Variants in ERAP1 observed in about 807,000 individuals in gnomAD.
ERAP1 encodes adipocyte-derived leucine aminopeptidase.
In ERAP1, 86 loss-of-function variants were observed where a neutral mutation model predicts 103.7. That is an observed-to-expected ratio of 0.83 (90% CI 0.70 to 0.99). The LOEUF is 0.99. Ranked by LOEUF, ERAP1 falls within the 50% of genes least tolerant of loss-of-function variation. The pLI, the probability that ERAP1 is intolerant of heterozygous loss-of-function variation, is 0.00. For synonymous variants in ERAP1, 398 were observed against 402.4 expected (o/e 0.99, Z 0.13); for missense variants, 1,009 against 1,128.4 (o/e 0.89, Z 1.52).
the ERAP1 span, chr5:96,912,687 C>T: frequency 1.9e-6 from 3 of 1,610,632 alleles, no homozygotes; most frequent in Non-Finnish European, 1.7e-6. Flanking sequence ...GCTCAGACAA[C>T]AGCAGGATGG....
the ERAP1 span, among the ~76,000 whole-genome samples, chr5:96,832,764 CTTCGATTTT>C: frequency 5.0e-4 from 76 of 152,294 alleles, no homozygotes; most frequent in Middle Eastern, 3.4e-3. Context: ...CTACAAATAT[CTTCGATTTT>C]ATCGATGTTC....
At chr5:96,875,264 G>T in the ERAP1 span, among the ~76,000 whole-genome samples, 1 of 152,248 alleles carries the variant, frequency 6.6e-6, no homozygotes, top group African/African-American at 2.4e-5. Context: ...GCCAGTTGCG[G>T]TGTCTCATGC....
At chr5:96,850,771 AC>A in the ERAP1 span, among the ~76,000 whole-genome samples, 1 of 152,150 alleles carries the variant, frequency 6.6e-6, no homozygotes, top group Non-Finnish European at 1.5e-5. Context: ...AATAAAAATA[AC>A]TTTTAAAAAA....
chr5:96,834,969 A>T, the ERAP1 span, among the ~76,000 whole-genome samples: 1 of 152,214 alleles, frequency 6.6e-6, no homozygotes, highest in East Asian at 1.9e-4. Context: ...AGAAACACCC[A>T]CATGATTCTT....
chr5:96,783,968 A>C lies in ERAP1; in HGVS notation c.2056T>G (p.Leu686Val). The change falls in exon 14 of 19, where the codon TTA becomes GTA. Residue 686 changes from leucine (L) to valine (V), a missense_variant. This residue lies in a region of ERAP1 where 611 missense variants were observed against 651.7 expected (regional missense o/e 0.94). Coordinates refer to ENST00000443439, the MANE Select transcript of ERAP1 (RefSeq NM_001040458.3). ...TCATTCATATCTCTTTTCTCCATTA[A>C]CTTATACATAGGAATCAGCTCATTC... The part of the protein sequence containing the change: ...GLNELIPMYK[L>V]MEKRDMNEVE... 6.2e-7 allele frequency: 1 copy of C among 1,613,860 alleles called. No individual in the cohort carries two copies. Among genetic ancestry groups the C allele is most frequent in the Non-Finnish European group, 8.5e-7 (1 of 1,179,910 alleles).
intron 1 of ERAP1, among the ~76,000 whole-genome samples, chr5:96,807,652 C>A (rs919733919): frequency 4.6e-5 from 7 of 152,154 alleles, no homozygotes; most frequent in African/African-American, 1.7e-4. Context: ...TCCCCCCGCC[C>A]TTCCCGCGCC....
At chr5:96,820,381 A>C in the ERAP1 span, among the ~76,000 whole-genome samples, 1 of 152,186 alleles carries the variant, frequency 6.6e-6, no homozygotes, top group Non-Finnish European at 1.5e-5. Flanking sequence ...TCCCTAATTT[A>C]AACCTTCCTT....
At chr5:96,895,801 G>C in the ERAP1 span, among the ~76,000 whole-genome samples, 1 of 152,114 alleles carries the variant, frequency 6.6e-6, no homozygotes, top group Non-Finnish European at 1.5e-5. Flanking sequence ...CTTCAGGTAC[G>C]TCTTTTTTAA....
At chr5:96,804,822 T>A (rs1778387312) in intron 1 of ERAP1, 2 of 152,380 alleles carry the variant, frequency 1.3e-5, no homozygotes, top group Admixed American at 1.3e-4. Flanking sequence ...GGTGCGCACC[T>A]GTAGTCCTAA....
At chr5:96,880,952 G>C in the ERAP1 span, 1 of 158,456 alleles carries the variant, frequency 6.3e-6, no homozygotes, top group Non-Finnish European at 1.4e-5. Flanking sequence ...TGACTGGGCA[G>C]GGAAGTGTTT....
the ERAP1 span, among the ~76,000 whole-genome samples, chr5:96,830,134 G>A: frequency 1.3e-5 from 2 of 152,202 alleles, no homozygotes; most frequent in Non-Finnish European, 2.9e-5. Context: ...ACTGTGAGAT[G>A]AGAGCCTATG....
At chr5:96,866,322 G>T in the ERAP1 span, among the ~76,000 whole-genome samples, 2 of 152,052 alleles carry the variant, frequency 1.3e-5, no homozygotes, top group Non-Finnish European at 2.9e-5. Context: ...CCATATTTTG[G>T]TCTGTGACTC....
At chr5:96,908,533 T>C in the ERAP1 span, among the ~76,000 whole-genome samples, 1 of 152,210 alleles carries the variant, frequency 6.6e-6, no homozygotes, top group Non-Finnish European at 1.5e-5. Context: ...CCCAATGTAC[T>C]TGGAGAAACA....
chr5:96,839,111 A>G, the ERAP1 span, among the ~76,000 whole-genome samples: 1 of 152,232 alleles, frequency 6.6e-6, no homozygotes, highest in Non-Finnish European at 1.5e-5. Context: ...AAACAGCCAA[A>G]TGAAGACACT....
the ERAP1 span, among the ~76,000 whole-genome samples, chr5:96,916,565 G>A: frequency 6.9e-6 from 1 of 144,008 alleles, no homozygotes; most frequent in South Asian, 2.3e-4. Context: ...CCAGGTTCAC[G>A]CCATTCTCCT....
At chr5:96,762,575 G>A (rs990518574) in exon 20 of ERAP1, 1 of 477,534 alleles carries the variant, frequency 2.1e-6, no homozygotes, top group Admixed American at 3.8e-5. Context: ...CTATATATGT[G>A]AAAACATTGT....
the ERAP1 span, chr5:96,913,401 G>T: frequency 1.9e-6 from 3 of 1,614,110 alleles, no homozygotes; most frequent in Non-Finnish European, 2.5e-6. Flanking sequence ...GACGTCCAAA[G>T]GGGCAGCAAC....
At chr5:96,894,418 G>T in the ERAP1 span, among the ~76,000 whole-genome samples, 75,663 of 151,960 alleles carry the variant, frequency 0.5, 19,019 homozygotes, top group Middle Eastern at 0.57. Flanking sequence ...TTTCTGTTCT[G>T]TAACTATAAC....
the ERAP1 span, among the ~76,000 whole-genome samples, chr5:96,816,570 T>A: frequency 6.6e-6 from 1 of 152,296 alleles, no homozygotes; most frequent in African/African-American, 2.4e-5. Flanking sequence ...CTCACTATAA[T>A]GCCATTAACA....
Sources: allele counts gnomAD v4.1 joint callset (sites outside exome capture counted in the v4.1 genomes callset), GRCh38; gene constraint gnomAD v4.1.1; regional missense constraint gnomAD v4.1.1; transcripts MANE v1.5; gene names NCBI Gene and HGNC (gene_info 2026-07-23, HGNC 2026-07-21).